SLC6A6: variants seen among roughly 807,000 people sequenced by gnomAD.
SLC6A6 encodes the protein sodium- and chloride-dependent taurine transporter.
In SLC6A6, 16 loss-of-function variants were observed where a neutral mutation model predicts 68.8. The observed-to-expected ratio is 0.23, with a 90% confidence interval of 0.16 to 0.35. SLC6A6 has a LOEUF of 0.35. Ranked by LOEUF, SLC6A6 falls within the 10% of genes least tolerant of loss-of-function variation. SLC6A6 has a pLI of 1.00. For synonymous variants in SLC6A6, 312 were observed against 315.4 expected, an observed-to-expected ratio of 0.99 and a Z score of 0.12; for missense variants, 474 against 802.8, an observed-to-expected ratio of 0.59 and a Z score of 4.95.
intron 2 of SLC6A6, among the ~76,000 whole-genome samples, chr3:14,427,729 G>A (rs942662855): frequency 6.6e-5 from 10 of 152,180 alleles, no homozygotes; most frequent in African/African-American, 2.2e-4. Context: ...AGGTGTCCCA[G>A]GGGCCAGCAG....
At chr3:14,414,865 C>T (rs1699329814) in intron 1 of SLC6A6, among the ~76,000 whole-genome samples, 1 of 152,184 alleles carries the variant, frequency 6.6e-6, no homozygotes, top group African/African-American at 2.4e-5. Flanking sequence ...ATGGGCTGGC[C>T]TCTTGTAATT....
rs566549278 is a variant in SLC6A6 at position 14,462,842 on chromosome 3, G to A, written c.733-3674G>A. On this transcript the variant is annotated intron_variant, in intron 6 of 14. Coordinates refer to ENST00000622186, the MANE Select transcript of SLC6A6 (RefSeq NM_003043.6). ...ATAGGGTAGGGTGTGTACACACGGT[G>A]GAGGAAGGAGACACATGCCTAGATG... Among the ~76,000 whole-genome samples the A allele has an allele frequency of 2.9e-4, 44 of 152,348 alleles. No homozygotes were observed. The South Asian group carries it at 7.0e-3, about 24-fold the overall frequency.
chr3:14,443,195 A>T (rs971960544), intron 2 of SLC6A6, among the ~76,000 whole-genome samples: 6 of 152,222 alleles, frequency 3.9e-5, no homozygotes, highest in Non-Finnish European at 7.3e-5. Context: ...CCAAATTTAG[A>T]AAATAGTATC....
intron 6 of SLC6A6, among the ~76,000 whole-genome samples, chr3:14,465,657 C>T (rs780917419): frequency 5.9e-5 from 9 of 152,178 alleles, no homozygotes; most frequent in African/African-American, 9.7e-5. Context: ...AATGAGGGGA[C>T]GGAGCTGGGA....
At position 14,402,986 on chromosome 3, in the gene SLC6A6, G is replaced by C; in HGVS notation, c.-54+139G>C. 1 of 381,238 alleles carries C rather than the reference G, an allele frequency of 2.6e-6. No homozygotes were observed. Among genetic ancestry groups the C allele is most frequent in the Non-Finnish European group, 4.6e-6 (1 of 215,156 alleles). 23.6% of individuals were successfully genotyped at this position (381,238 alleles called of 1,614,324 possible). ...CGGCGCCCCTTTCACCACCGCGGAAGGGACCGAGAGTCGCCTGCTCAGTCC... is the reference window on the plus strand; with the variant it reads ...CGGCGCCCCTTTCACCACCGCGGAACGGACCGAGAGTCGCCTGCTCAGTCC... On this transcript the variant is annotated intron_variant, in intron 1 of 14. Coordinates refer to ENST00000622186, the MANE Select transcript of SLC6A6 (RefSeq NM_003043.6). This position sits in a 1 kb window ranked among gnomAD's most constrained non-coding sequence, Gnocchi z 4.8.
At chr3:14,406,564 C>G (rs552215525) in intron 1 of SLC6A6, among the ~76,000 whole-genome samples, 13 of 152,148 alleles carry the variant, frequency 8.5e-5, no homozygotes, top group Non-Finnish European at 1.8e-4. Flanking sequence ...GCTATTTAAC[C>G]GGTACACAGG....
chr3:14,432,607 T>C (rs1009209894), intron 2 of SLC6A6: 4 of 152,456 alleles, frequency 2.6e-5, no homozygotes, highest in African/African-American at 9.6e-5. Context: ...GTGACCGTTG[T>C]GCTGTTATTG....
intron 5 of SLC6A6, among the ~76,000 whole-genome samples, chr3:14,451,812 G>A (rs1457727694): frequency 6.6e-6 from 1 of 152,166 alleles, no homozygotes; most frequent in Non-Finnish European, 1.5e-5. Context: ...GGTTTCTCTC[G>A]AGTGAATCTT....
chr3:14,477,788 A>G lies in SLC6A6; in HGVS notation c.1347+446A>G, dbSNP rs1375898923. Among the ~76,000 whole-genome samples the G allele has an allele frequency of 6.6e-6, 1 of 152,112 alleles. No individual in the cohort carries two copies. Among genetic ancestry groups the G allele is most frequent in the Non-Finnish European group, 1.5e-5 (1 of 68,018 alleles). On this transcript the variant is annotated intron_variant, in intron 11 of 14. Transcript: ENST00000622186. This position sits in a 1 kb window ranked among gnomAD's most constrained non-coding sequence, Gnocchi z 4.2. ...GCCACAGGACCGAGTCCTGGTGGGT[A>G]TGGGTTGATAGGGGGCACATACACT...
intron 4 of SLC6A6, 31 bp downstream of exon 4, chr3:14,445,882 T>G (rs369288776): frequency 6.2e-7 from 1 of 1,612,052 alleles, no homozygotes; most frequent in Non-Finnish European, 8.5e-7. Context: ...ACTTGGGGCC[T>G]GGCACTCATC....
chr3:14,455,931 C>A (rs1002023413), intron 5 of SLC6A6, among the ~76,000 whole-genome samples: 1 of 152,144 alleles, frequency 6.6e-6, no homozygotes, highest in African/African-American at 2.4e-5. Flanking sequence ...GTTAAATCAG[C>A]ATATAGCAGA....
chr3:14,448,393 G>A (rs753331766), intron 5 of SLC6A6, among the ~76,000 whole-genome samples: 37 of 152,144 alleles, frequency 2.4e-4, no homozygotes, highest in Non-Finnish European at 8.8e-5. Context: ...TCTCCTCCAC[G>A]TGTCTGCAGG....
intron 4 of SLC6A6, among the ~76,000 whole-genome samples, 196 bp from the exon 5 acceptor site, chr3:14,447,386 A>C (rs1035832384): frequency 2.6e-5 from 4 of 152,016 alleles, no homozygotes; most frequent in Non-Finnish European, 5.9e-5. Context: ...CATCCATCCC[A>C]TTTATCTAAC....
intron 5 of SLC6A6, among the ~76,000 whole-genome samples, chr3:14,457,364 C>CA (rs1403850233): frequency 1.3e-5 from 2 of 152,234 alleles, no homozygotes; most frequent in Non-Finnish European, 2.9e-5. Flanking sequence ...CCACAGTTAA[C>CA]ATCTGCAAAG....
At chr3:14,448,452 G>A (rs960653152) in intron 5 of SLC6A6, among the ~76,000 whole-genome samples, 2 of 152,202 alleles carry the variant, frequency 1.3e-5, no homozygotes, top group African/African-American at 4.8e-5. Flanking sequence ...CCGGCTATTG[G>A]CTGGGGTGTG....
rs1222891464 is a variant in SLC6A6, at chr3:14,468,292, C to A, written c.1096+80C>A. On this transcript the variant is annotated intron_variant, in intron 9 of 14. Transcript: ENST00000622186. This position sits in a 1 kb window ranked among gnomAD's most constrained non-coding sequence, Gnocchi z 4.5. ...AAGTACTGCAGGCATGAAGCCAGAC[C>A]CCAGGGGGCTTTGAGGGGGGACGAG... 1 of 1,317,186 alleles carries A rather than the reference C, an allele frequency of 7.6e-7. No individual in the cohort carries two copies. The highest frequency in any genetic ancestry group is 1.0e-6 in the Non-Finnish European group (1 of 970,968). The allele number at this position is 1,317,186 out of a possible 1,614,324, so 81.6% of individuals were successfully genotyped here.
intron 2 of SLC6A6, among the ~76,000 whole-genome samples, chr3:14,441,446 C>T (rs568907500): frequency 1.8e-4 from 28 of 152,272 alleles, no homozygotes; most frequent in African/African-American, 6.5e-4. Flanking sequence ...CCCGAGGGAG[C>T]AGGGCAGAGA....
chr3:14,420,067 C>T lies in SLC6A6; in HGVS notation c.-12+3614C>T, dbSNP rs1052801672. On this transcript the variant is annotated intron_variant, in intron 2 of 14. Coordinates refer to ENST00000622186, the MANE Select transcript of SLC6A6 (RefSeq NM_003043.6). ...AGGCCTGTTCAACAGAAGTGCCAAC[C>T]TCAACATTCGCTTCCTAGAAGGCTC... 5.9e-5 allele frequency among the ~76,000 whole-genome samples: 9 copies of T among 152,302 alleles called. No homozygotes were observed. The East Asian group carries it at 1.3e-3, about 23-fold the overall frequency.
intron 5 of SLC6A6, among the ~76,000 whole-genome samples, chr3:14,457,726 TG>T (rs1245959995): frequency 6.6e-6 from 1 of 152,260 alleles, no homozygotes; most frequent in Non-Finnish European, 1.5e-5. Context: ...AAGTTGAACC[TG>T]GGTTTGCCTG....
Sources: gnomAD v4.1 joint callset for allele counts (sites outside exome capture counted in the v4.1 genomes callset) on GRCh38, gnomAD v4.1.1 for gene constraint, Gnocchi (gnomAD v3.1) non-coding constraint, MANE v1.5 for transcripts, NCBI Gene and HGNC (gene_info 2026-07-23, HGNC 2026-07-21) for gene names.